COL28A1: variants seen among roughly 807,000 people sequenced by gnomAD.
The protein encoded by COL28A1 is collagen type XXVIII alpha 1 chain.
COL28A1 carries 161 observed loss-of-function variants against 150.2 expected under a neutral mutation model. The observed-to-expected ratio is 1.07, with a 90% confidence interval of 0.94 to 1.22. The LOEUF is 1.22. Among genes scored for constraint, COL28A1 ranks in the 50% most tolerant of loss-of-function variants. The probability of loss-of-function intolerance (pLI) is 0.00; values close to 1 mark genes in which losing one functional copy is unlikely to be tolerated. For missense variants in COL28A1, 1,617 were observed against 1,388.3 expected (o/e 1.16, Z -2.62); for synonymous variants, 552 against 469.7 (o/e 1.18, Z -2.26).
chr7:7,543,480 A>G, the COL28A1 span, among the ~76,000 whole-genome samples: 1 of 152,216 alleles, frequency 6.6e-6, no homozygotes, highest in African/African-American at 2.4e-5. Context: ...GGCCTAGACA[A>G]TAAATAAGAC....
At chr7:7,412,099 C>T in intron 27 of COL28A1, among the ~76,000 whole-genome samples, 1 of 152,146 alleles carries the variant, frequency 6.6e-6, no homozygotes, top group East Asian at 1.9e-4. Context: ...TTCCAAGCCA[C>T]TTTGCAATTA....
chr7:7,409,884 AATG>A (rs1783688406), intron 27 of COL28A1, among the ~76,000 whole-genome samples: 1 of 152,170 alleles, frequency 6.6e-6, no homozygotes, highest in African/African-American at 2.4e-5. Context: ...AGCCGGTAAT[AATG>A]ATGATTCAAG....
rs1465959346 is a variant in COL28A1 at position 7,417,522 on chromosome 7, GGGGGAGGGAGGGA to G, written c.2136+324_2136+336del. The stretch of plus-strand genomic sequence containing the variant: ...GAGGGAGGGGGAGGGAAGGAGGGAG[GGGGGAGGGAGGGA>G]GGGAGGGGGGGGGGAGAGAGAGAGA... On this transcript the variant is annotated intron_variant, in intron 27 of 34. Transcript: ENST00000399429. 1.1e-3 allele frequency: 169 copies of G among 160,762 alleles called. 1 individual carries two copies. The highest frequency in any genetic ancestry group is 1.3e-3 in the Non-Finnish European group (123 of 95,808). 10.0% of individuals were successfully genotyped at this position (160,762 alleles called of 1,614,324 possible).
At chr7:7,359,634 G>A (rs1333132960) in intron 34 of COL28A1, among the ~76,000 whole-genome samples, 1 of 152,156 alleles carries the variant, frequency 6.6e-6, no homozygotes, top group African/African-American at 2.4e-5. Flanking sequence ...TTGCTATCTG[G>A]GACTTATATG....
At chr7:7,396,847 T>C (rs1782860867) in intron 27 of COL28A1, among the ~76,000 whole-genome samples, 4 of 152,178 alleles carry the variant, frequency 2.6e-5, no homozygotes, top group Admixed American at 2.6e-4. Context: ...CAGGGACTGA[T>C]TTTGAGTCTG....
intron 13 of COL28A1, among the ~76,000 whole-genome samples, chr7:7,481,564 C>T (rs567714688): frequency 1.1e-3 from 161 of 152,292 alleles, no homozygotes; most frequent in African/African-American, 3.8e-3. Flanking sequence ...CTACGACATA[C>T]TTACTTGGCT....
intron 13 of COL28A1, among the ~76,000 whole-genome samples, chr7:7,481,105 G>A (rs1789353149): frequency 6.6e-6 from 1 of 152,192 alleles, no homozygotes; most frequent in South Asian, 2.1e-4. Context: ...CAGTCTCTGA[G>A]TGAATGATTT....
chr7:7,498,860 T>C (rs1780360383), intron 11 of COL28A1, among the ~76,000 whole-genome samples: 1 of 151,884 alleles, frequency 6.6e-6, no homozygotes, highest in Admixed American at 6.6e-5. Context: ...TGGCAGCATT[T>C]TCAGTTCCTT....
At chr7:7,436,612 G>A (rs1480773900) in intron 22 of COL28A1, 149 bp from the exon 23 acceptor site, 2 of 610,298 alleles carry the variant, frequency 3.3e-6, no homozygotes, top group Non-Finnish European at 5.8e-6. Context: ...ATATTTGAGG[G>A]GACTTTCAAA....
rs1409633381 is a variant in COL28A1 at position 7,500,462 on chromosome 7, AC to A, written c.1026+5551del. Among the ~76,000 whole-genome samples the A allele has an allele frequency of 4.6e-5, 7 of 152,334 alleles. No individual in the cohort carries two copies. In the East Asian group the frequency reaches 1.4e-3, roughly 29 times the overall value. ...TTAGACTTTTCAAAAATAGTGATAGACCTGCTCATATCTGTCCAGTTCTTCT... is the reference window on the plus strand; with the variant it reads ...TTAGACTTTTCAAAAATAGTGATAGACTGCTCATATCTGTCCAGTTCTTCT... On this transcript the variant is annotated intron_variant, in intron 11 of 34. Transcript: ENST00000399429.
intron 20 of COL28A1, among the ~76,000 whole-genome samples, chr7:7,441,985 A>G (rs1785832350): frequency 6.6e-6 from 1 of 152,202 alleles, no homozygotes; most frequent in African/African-American, 2.4e-5. Context: ...TCTTCCCTCC[A>G]CTACCACTAA....
chr7:7,374,032 A>ATATAT (rs1554260700), intron 31 of COL28A1, among the ~76,000 whole-genome samples: 1 of 71,926 alleles, frequency 1.4e-5, no homozygotes, highest in Non-Finnish European at 2.8e-5. Context: ...CTTAAAAAAA[A>ATATAT]AAAAAAATAT....
intron 13 of COL28A1, among the ~76,000 whole-genome samples, chr7:7,482,994 A>G (rs1779429601): frequency 6.6e-6 from 1 of 152,198 alleles, no homozygotes; most frequent in Non-Finnish European, 1.5e-5. Flanking sequence ...CACGCAATGG[A>G]AAATGAAGAC....
intron 13 of COL28A1, among the ~76,000 whole-genome samples, chr7:7,488,103 AT>A (rs2128367006): frequency 6.6e-6 from 1 of 152,350 alleles, no homozygotes; most frequent in Non-Finnish European, 1.5e-5. Context: ...ATCATAAGGA[AT>A]AACAAATTAT....
Position 7,524,254 on chromosome 7 carries a change from A to G in COL28A1, c.682-5T>C. The G allele has an allele frequency of 7.4e-7, 1 of 1,342,740 alleles. No individual in the cohort carries two copies. The highest frequency in any genetic ancestry group is 1.1e-6 in the Non-Finnish European group (1 of 932,828). 83.2% of individuals were successfully genotyped at this position (1,342,740 alleles called of 1,614,324 possible). On this transcript the variant is annotated splice_region_variant and splice_polypyrimidine_tract_variant and intron_variant, in intron 3 of 34. Coordinates refer to ENST00000399429, the MANE Select transcript of COL28A1 (RefSeq NM_001037763.3). ...CTTCTTTTCAAATAAGATATCCTAC[A>G]AGGGAAAAAAGAATGAAGCATTAAC...
intron 15 of COL28A1, among the ~76,000 whole-genome samples, chr7:7,466,161 T>G (rs1351171513): frequency 1.6e-5 from 2 of 128,060 alleles, no homozygotes; most frequent in Non-Finnish European, 3.3e-5. Flanking sequence ...TACTCTGAGC[T>G]ACGGGAGGAC....
At chr7:7,542,623 A>G in the COL28A1 span, among the ~76,000 whole-genome samples, 1 of 152,244 alleles carries the variant, frequency 6.6e-6, no homozygotes, top group Non-Finnish European at 1.5e-5. Context: ...GGAGCAGAGG[A>G]TAAACAGTGG....
intron 15 of COL28A1, among the ~76,000 whole-genome samples, chr7:7,473,838 AGTGT>A (rs199757643): frequency 0.016 from 2,423 of 151,594 alleles, 59 homozygotes; most frequent in African/African-American, 0.055. Flanking sequence ...TATATATTAC[AGTGT>A]GTGTGTTTGT....
chr7:7,489,939 T>C (rs1779827266), intron 12 of COL28A1, among the ~76,000 whole-genome samples: 1 of 152,242 alleles, frequency 6.6e-6, no homozygotes, highest in African/African-American at 2.4e-5. Context: ...AGTCTCAATG[T>C]GCTCATTGTT....
Sources: gnomAD v4.1 joint callset for allele counts (sites outside exome capture counted in the v4.1 genomes callset) on GRCh38, gnomAD v4.1.1 for gene constraint, MANE v1.5 for transcripts, NCBI Gene and HGNC (gene_info 2026-07-23, HGNC 2026-07-21) for gene names.